METTL13: variants seen among roughly 807,000 people sequenced by gnomAD.
METTL13 encodes eEF1A lysine and N-terminal methyltransferase.
Under a neutral mutation model 67.4 loss-of-function variants are expected in METTL13, and 52 were observed. The ratio of observed to expected loss-of-function variants is 0.77; its 90% CI spans 0.62 to 0.97. The LOEUF (loss-of-function observed/expected upper bound fraction) is 0.97. METTL13 is among the 50% of genes least tolerant of loss of function. The pLI is 0.00. For synonymous variants in METTL13, 354 were observed against 353.6 expected (o/e 1.00, Z -0.01); for missense variants, 825 against 889.6 (o/e 0.93, Z 0.92).
intron 1 of METTL13, among the ~76,000 whole-genome samples, chr1:171,783,421 C>A (rs950351268): frequency 1.3e-5 from 2 of 152,180 alleles, no homozygotes; most frequent in African/African-American, 4.8e-5. Context: ...TATTTGGATT[C>A]TCTGACTTCC....
Position 171,792,055 on chromosome 1 carries a change from G to A in METTL13, c.1513G>A (p.Gly505Ser). The A allele has an allele frequency of 6.2e-7, 1 of 1,612,980 alleles. No individual in the cohort carries two copies. ...ATTGTTGGTGGTAGGCCTGGGCGGGGGCAGCCTCCCCCTCTTTGTCCACGA... is the reference window on the plus strand; with the variant it reads ...ATTGTTGGTGGTAGGCCTGGGCGGGAGCAGCCTCCCCCTCTTTGTCCACGA... ...LALLVVGLGG[G>S]SLPLFVHDHF... Residue 505 changes from glycine to serine, a missense_variant, in exon 6 of 8, where the codon GGC (glycine) becomes AGC (serine). Transcript: ENST00000361735.
At chr1:171,783,355 T>C (rs994768327) in intron 1 of METTL13, among the ~76,000 whole-genome samples, 1 of 152,224 alleles carries the variant, frequency 6.6e-6, no homozygotes, top group Non-Finnish European at 1.5e-5. Flanking sequence ...GCCAAAGGCA[T>C]GAGTAGAGTG....
At position 171,786,025 on chromosome 1, in the gene METTL13, C is replaced by T; in HGVS notation, c.1060C>T (p.Leu354=). The T allele has an allele frequency of 6.2e-7, 1 of 1,614,038 alleles. No individual in the cohort carries two copies. Among genetic ancestry groups the T allele is most frequent in the East Asian group, 2.2e-5 (1 of 44,876 alleles). ...YESMDHIQAE[L]SARVMELAPA... ...AAGCATGGACCACATCCAAGCTGAG[C>T]TGTCGGCTAGAGTCATGGAGCTGGC... Residue 354 remains leucine, a synonymous_variant, in exon 3 of 8, where the codon CTG becomes TTG. Transcript: ENST00000361735.
At chr1:171,783,612 C>G (rs1656897607) in intron 1 of METTL13, 128 bp from the exon 2 acceptor site, 1 of 1,085,610 alleles carries the variant, frequency 9.2e-7, no homozygotes, top group African/African-American at 1.6e-5. Context: ...GTCGCTCTTT[C>G]TCTGGCAGTA....
intron 1 of METTL13, among the ~76,000 whole-genome samples, chr1:171,783,427 C>T (rs1656891821): frequency 6.6e-6 from 1 of 152,196 alleles, no homozygotes; most frequent in Non-Finnish European, 1.5e-5. Flanking sequence ...GATTCTCTGA[C>T]TTCCTATTAA....
At chr1:171,794,788 T>C (rs1266893057) in intron 7 of METTL13, among the ~76,000 whole-genome samples, 1 of 152,160 alleles carries the variant, frequency 6.6e-6, no homozygotes, top group Middle Eastern at 3.2e-3. Flanking sequence ...TCTTGTTCTT[T>C]ATATAAATGG....
intron 4 of METTL13, among the ~76,000 whole-genome samples, chr1:171,788,233 C>G (rs147104372): frequency 1.3e-5 from 2 of 152,298 alleles, no homozygotes; most frequent in East Asian, 3.9e-4. Context: ...CAATAGGCCT[C>G]TGTGAGGTGA....
Position 171,791,996 on chromosome 1 carries a change from TG to T in METTL13, c.1475-20del, listed in dbSNP as rs755901655. ...TTCCAGTGAACAGGTGGCAATGTGA[TG>T]CTCTATTCTTTTCTTACAGAGATCC... On this transcript the variant is annotated intron_variant, in intron 5 of 7. Coordinates refer to ENST00000361735, the MANE Select transcript of METTL13 (RefSeq NM_015935.5). 1 of 1,611,602 alleles carries T rather than the reference TG, an allele frequency of 6.2e-7. No homozygotes were observed. Among genetic ancestry groups the T allele is most frequent in the Admixed American group, 1.7e-5 (1 of 60,010 alleles).
intron 6 of METTL13, 117 bp from the exon 7 acceptor site, chr1:171,794,279 C>A: frequency 6.9e-7 from 1 of 1,446,450 alleles, no homozygotes; most frequent in South Asian, 1.3e-5. Context: ...TCCTCTGTGT[C>A]ATCCTTCTAA....
At position 171,796,934 on chromosome 1, in the gene METTL13, T is replaced by C; in HGVS notation, c.*178T>C. 1 of 786,420 alleles carries C rather than the reference T, an allele frequency of 1.3e-6. No homozygotes were observed. The highest frequency in any genetic ancestry group is 2.0e-6 in the Non-Finnish European group (1 of 511,460). 48.7% of individuals were successfully genotyped at this position (786,420 alleles called of 1,614,324 possible). On this transcript the variant is annotated 3_prime_UTR_variant, in exon 8 of 8. Transcript: ENST00000361735. ...CTGAAGATTAGGGAAAATAAAAATG[T>C]CCTTCCCATCTTGTCCTCTTCAGTA... is the stretch of plus-strand genomic sequence containing the variant.
Position 171,781,937 on chromosome 1 carries a change from G to A in METTL13, c.-31G>A. 2 of 1,613,220 alleles carry A rather than the reference G, an allele frequency of 1.2e-6. No homozygotes were observed. Among genetic ancestry groups the A allele is most frequent in the Non-Finnish European group, 1.7e-6 (2 of 1,179,478 alleles). On this transcript the variant is annotated 5_prime_UTR_variant, in exon 1 of 8. Transcript: ENST00000361735. The stretch of plus-strand genomic sequence containing the variant: ...ATGGTATCTCACAGGGAATAGGGGA[G>A]TCTTGAAAACGCAGCTTCGGCAGTA...
intron 7 of METTL13, among the ~76,000 whole-genome samples, chr1:171,795,602 G>A (rs982812419): frequency 6.6e-6 from 1 of 152,170 alleles, no homozygotes; most frequent in African/African-American, 2.4e-5. Flanking sequence ...ATTTGCCAAG[G>A]TGACGCAAGG....
At chr1:171,791,923 C>T (rs1657220296) in intron 5 of METTL13, 94 bp from the exon 6 acceptor site, 1 of 1,260,824 alleles carries the variant, frequency 7.9e-7, no homozygotes, top group African/African-American at 1.5e-5. Flanking sequence ...TGAATGGAGA[C>T]AGTGAGCTGA....
chr1:171,786,343 C>T (rs910766346), intron 3 of METTL13, among the ~76,000 whole-genome samples: 1 of 152,134 alleles, frequency 6.6e-6, no homozygotes. Context: ...CTACTCATTG[C>T]GGGCTTCAGT....
In METTL13 at chr1:171,783,504, A is replaced by G. The variant is rs367963738; in HGVS notation, c.154-236A>G. ...ATGATTAATTTGTTTCTGCAACACA[A>G]AGCCCATTCTCATATAACCTGTATT... is the stretch of plus-strand genomic sequence containing the variant. On this transcript the variant is annotated intron_variant, in intron 1 of 7. Transcript: ENST00000361735. 4.6e-5 allele frequency among the ~76,000 whole-genome samples: 7 copies of G among 152,338 alleles called. 1 individual carries two copies. The highest frequency in any genetic ancestry group is 1.5e-5 in the Non-Finnish European group (1 of 68,038).
In METTL13 at chr1:171,794,466, G is replaced by T. The variant is rs111707385; in HGVS notation, c.1764G>T (p.Pro588=). 29 of 1,614,076 alleles carry T rather than the reference G, an allele frequency of 1.8e-5. No homozygotes were observed. The highest frequency in any genetic ancestry group is 1.5e-4 in the African/African-American group (11 of 74,942). Residue 588 remains proline (P), a synonymous_variant, in exon 7 of 8, where the codon CCG becomes CCT. Coordinates refer to ENST00000361735, the MANE Select transcript of METTL13 (RefSeq NM_015935.5). ...SKDPTLGMSC[P]PPAFVEQSFL... ...ACCCAACACTGGGAATGAGTTGTCC[G>T]CCCCCAGCATTTGTGGAGCAATCTT...
chr1:171,791,927 G>T, intron 5 of METTL13, 90 bp from the exon 6 acceptor site: 1 of 1,331,304 alleles, frequency 7.5e-7, no homozygotes, highest in Admixed American at 1.7e-5. Context: ...TGGAGACAGT[G>T]AGCTGACTTT....
chr1:171,791,189 A>G (rs2124903927), intron 5 of METTL13, among the ~76,000 whole-genome samples: 1 of 152,346 alleles, frequency 6.6e-6, no homozygotes, highest in South Asian at 2.1e-4. Flanking sequence ...CTCAGTTCTT[A>G]GATTTAATTC....
intron 6 of METTL13, among the ~76,000 whole-genome samples, chr1:171,793,373 CT>C (rs1220533360): frequency 6.6e-6 from 1 of 152,220 alleles, no homozygotes; most frequent in Non-Finnish European, 1.5e-5. Flanking sequence ...CATGATGTTA[CT>C]GCTGTTGTTA....
Sources: gnomAD v4.1 joint callset for allele counts (sites outside exome capture counted in the v4.1 genomes callset) on GRCh38, gnomAD v4.1.1 for gene constraint, MANE v1.5 for transcripts, NCBI Gene and HGNC (gene_info 2026-07-23, HGNC 2026-07-21) for gene names.